NTRK3: variants seen among roughly 807,000 people sequenced by gnomAD.
NTRK3 encodes the protein NT-3 growth factor receptor.
Under a neutral mutation model 91.7 loss-of-function variants are expected in NTRK3, and 24 were observed. That is an observed-to-expected ratio of 0.26 (90% CI 0.19 to 0.37). NTRK3 has a LOEUF of 0.37. NTRK3 is among the 10% of genes least tolerant of loss of function. The probability of loss-of-function intolerance (pLI) is 1.00; values close to 1 mark genes in which losing one functional copy is unlikely to be tolerated. For synonymous variants in NTRK3, 483 were observed against 404.0 expected (o/e 1.20, Z -2.34); for missense variants, 880 against 1,068.9 (o/e 0.82, Z 2.46).
At chr15:88,111,548 T>C (rs1227274316) in intron 13 of NTRK3, among the ~76,000 whole-genome samples, 1 of 152,172 alleles carries the variant, frequency 6.6e-6, no homozygotes, top group Non-Finnish European at 1.5e-5. Context: ...TTGAGGGAAC[T>C]GAAGAATAAT....
chr15:87,865,111 A>G, exon 19 of NTRK3: 1 of 213,532 alleles, frequency 4.7e-6, no homozygotes, highest in Non-Finnish European at 9.5e-6. Context: ...GAACTTGAGC[A>G]AAATATTTGT....
intron 17 of NTRK3, among the ~76,000 whole-genome samples, chr15:87,897,078 C>T (rs948538673): frequency 6.6e-6 from 1 of 152,164 alleles, no homozygotes; most frequent in Non-Finnish European, 1.5e-5. Context: ...CTGTCTCAGT[C>T]TGAGCCTCTA....
chr15:88,213,904 A>G (rs2049485735), intron 3 of NTRK3, among the ~76,000 whole-genome samples: 1 of 151,950 alleles, frequency 6.6e-6, no homozygotes, highest in African/African-American at 2.4e-5. Flanking sequence ...ACATTGTGAA[A>G]CCCCGTCTCT....
chr15:88,065,520 C>T (rs1242906372), intron 13 of NTRK3, among the ~76,000 whole-genome samples: 1 of 151,996 alleles, frequency 6.6e-6, no homozygotes, highest in African/African-American at 2.4e-5. Context: ...GAGGGGTGTT[C>T]CACACAGCCA....
chr15:87,914,130 C>T (rs916430739), intron 17 of NTRK3, among the ~76,000 whole-genome samples: 7 of 152,318 alleles, frequency 4.6e-5, no homozygotes, highest in East Asian at 1.9e-4. Flanking sequence ...CTGATTTCTT[C>T]CTCTTTAAGC....
chr15:88,191,707 T>C (rs1489256210), intron 3 of NTRK3, among the ~76,000 whole-genome samples: 1 of 152,222 alleles, frequency 6.6e-6, no homozygotes, highest in East Asian at 1.9e-4. Context: ...GCGTATTATG[T>C]CTAGTGATCC....
chr15:87,928,936 T>C (rs572615794), intron 17 of NTRK3: 223 of 603,870 alleles, frequency 3.7e-4, no homozygotes, highest in Admixed American at 9.9e-4. Flanking sequence ...AAGAACACAA[T>C]GCATATGTTA....
At chr15:88,238,807 T>A (rs369452080) in intron 3 of NTRK3, among the ~76,000 whole-genome samples, 1 of 152,350 alleles carries the variant, frequency 6.6e-6, no homozygotes, top group South Asian at 2.1e-4. Flanking sequence ...CCTGATAACA[T>A]TTCAGCTTGT....
chr15:88,094,662 C>T (rs2150797508), intron 13 of NTRK3, among the ~76,000 whole-genome samples: 1 of 152,166 alleles, frequency 6.6e-6, no homozygotes, highest in South Asian at 2.1e-4. Flanking sequence ...TGGGCTTTCT[C>T]CTAGGGCTGG....
intron 13 of NTRK3, among the ~76,000 whole-genome samples, chr15:88,055,556 AGC>A (rs1378631585): frequency 6.6e-6 from 1 of 152,180 alleles, no homozygotes; most frequent in Admixed American, 6.5e-5. Context: ...CATGGAACCA[AGC>A]ACTTTCACAT....
At position 88,145,925 on chromosome 15, in the gene NTRK3, C is replaced by T. The variant is rs557288043; in HGVS notation, c.464+1410G>A. ...GAAAACACTGGGAGATAGTTGAGCA[C>T]AGTGGTCAAAGCTTTGGGTCCACAC... On this transcript the variant is annotated intron_variant, in intron 6 of 18. Transcript: ENST00000394480. 8.5e-5 allele frequency among the ~76,000 whole-genome samples: 13 copies of T among 152,244 alleles called. No homozygotes were observed. In the East Asian group the frequency reaches 2.5e-3, roughly 29 times the overall value.
At chr15:87,983,827 A>G (rs1242014191) in intron 14 of NTRK3, among the ~76,000 whole-genome samples, 1 of 152,178 alleles carries the variant, frequency 6.6e-6, no homozygotes, top group African/African-American at 2.4e-5. Context: ...GGCCACTTCA[A>G]CAAGTTCTAA....
Position 88,248,441 on chromosome 15 carries a change from A to T in NTRK3, c.248+7465T>A, listed in dbSNP as rs538327914. Among the ~76,000 whole-genome samples, 10 of 152,286 alleles carry T rather than the reference A, an allele frequency of 6.6e-5. No homozygotes were observed. In the East Asian group the frequency reaches 1.3e-3, roughly 21 times the overall value. On this transcript the variant is annotated intron_variant, in intron 3 of 18. Coordinates refer to ENST00000394480, the Ensembl canonical transcript of NTRK3. Reference sequence around the variant, plus strand: ...GGTAACTCCCACCCAAGTAACTGAAATGTTGTAAACTAAATGATTCTCCTA... The same window carrying T: ...GGTAACTCCCACCCAAGTAACTGAATTGTTGTAAACTAAATGATTCTCCTA...
In NTRK3 at chr15:88,241,608, G is replaced by A. The variant is rs556321890; in HGVS notation, c.248+14298C>T. 3.3e-5 allele frequency among the ~76,000 whole-genome samples: 5 copies of A among 152,130 alleles called. No individual in the cohort carries two copies. Among genetic ancestry groups the A allele is most frequent in the Non-Finnish European group, 5.9e-5 (4 of 68,010 alleles). On this transcript the variant is annotated intron_variant, in intron 3 of 18. Coordinates refer to ENST00000394480, the Ensembl canonical transcript of NTRK3. This position sits in a 1 kb window ranked among gnomAD's most constrained non-coding sequence, Gnocchi z 4.3. ...GCAGGGGGCATGGGGCAGGTCAGCC[G>A]CTGGTTGGGCAGAATGCCAGCTGGG...
intron 3 of NTRK3, among the ~76,000 whole-genome samples, chr15:88,190,924 A>G (rs1368859678): frequency 6.6e-6 from 1 of 152,204 alleles, no homozygotes; most frequent in Non-Finnish European, 1.5e-5. Context: ...AATAGGATCT[A>G]AGGGAATATG....
At chr15:88,072,004 CTTTTTTTTTTT>C (rs374364707) in intron 13 of NTRK3, among the ~76,000 whole-genome samples, 1 of 132,650 alleles carries the variant, frequency 7.5e-6, no homozygotes, top group Non-Finnish European at 1.6e-5. Flanking sequence ...AATCAAACAT[CTTTTTTTTTTT>C]TTTTTTTTGA....
intron 3 of NTRK3, among the ~76,000 whole-genome samples, chr15:88,205,607 C>T (rs971995023): frequency 6.6e-6 from 1 of 152,150 alleles, no homozygotes; most frequent in African/African-American, 2.4e-5. Flanking sequence ...AAAGGTAACC[C>T]AACTGCACAC....
chr15:88,184,012 C>G (rs1366220774), intron 4 of NTRK3, among the ~76,000 whole-genome samples: 1 of 152,212 alleles, frequency 6.6e-6, no homozygotes, highest in African/African-American at 2.4e-5. Context: ...CCTTGCCTCT[C>G]TAGACTAGGG....
At chr15:88,101,948 T>C (rs1351229421) in intron 13 of NTRK3, among the ~76,000 whole-genome samples, 1 of 152,042 alleles carries the variant, frequency 6.6e-6, no homozygotes, top group African/African-American at 2.4e-5. Context: ...GCACACCAAA[T>C]GGCACATGTA....
Sources: gnomAD v4.1 joint callset for allele counts (sites outside exome capture counted in the v4.1 genomes callset) on GRCh38, gnomAD v4.1.1 for gene constraint, Gnocchi (gnomAD v3.1) non-coding constraint, MANE v1.5 for transcripts, NCBI Gene and HGNC (gene_info 2026-07-23, HGNC 2026-07-21) for gene names.